The following MED13L variants were observed in gnomAD, a reference collection of about 807,000 sequenced individuals.
MED13L encodes mediator of RNA polymerase II transcription subunit 13-like.
Under a neutral mutation model 220.9 loss-of-function variants are expected in MED13L, and 7 were observed. That is an observed-to-expected ratio of 0.03 (90% CI 0.02 to 0.06). The LOEUF (loss-of-function observed/expected upper bound fraction) is 0.06. Ranked by LOEUF, MED13L falls within the 10% of genes least tolerant of loss-of-function variation. The pLI is 1.00. For missense variants in MED13L, 1,965 were observed against 2,760.5 expected, an observed-to-expected ratio of 0.71 and a Z score of 6.46; for synonymous variants, 1,011 against 1,015.2, an observed-to-expected ratio of 1.00 and a Z score of 0.08.
At chr12:116,188,894 A>G (rs1881077450) in intron 2 of MED13L, among the ~76,000 whole-genome samples, 1 of 152,176 alleles carries the variant, frequency 6.6e-6, no homozygotes, top group Non-Finnish European at 1.5e-5. Context: ...ACTGTATATC[A>G]AGACTTTGTT....
At chr12:116,017,886 G>GATT (rs1183051058) in intron 7 of MED13L, among the ~76,000 whole-genome samples, 1 of 151,624 alleles carries the variant, frequency 6.6e-6, no homozygotes, top group Non-Finnish European at 1.5e-5. Flanking sequence ...AAAATGATGG[G>GATT]ATTACAGGCA....
At chr12:116,113,652 C>T (rs1196547122) in intron 2 of MED13L, among the ~76,000 whole-genome samples, 2 of 145,902 alleles carry the variant, frequency 1.4e-5, no homozygotes, top group Non-Finnish European at 3.0e-5. Flanking sequence ...GAGTGAAAGC[C>T]TGTCTCATAA....
intron 2 of MED13L, among the ~76,000 whole-genome samples, chr12:116,128,624 C>T (rs1457253315): frequency 1.3e-5 from 2 of 152,150 alleles, no homozygotes; most frequent in African/African-American, 4.8e-5. Context: ...TATTCTCTTT[C>T]CTATGCATAA....
At chr12:116,210,539 G>A (rs1380681377) in intron 2 of MED13L, among the ~76,000 whole-genome samples, 9 of 116,864 alleles carry the variant, frequency 7.7e-5, no homozygotes, top group East Asian at 7.4e-4. Context: ...AAAAGCAACC[G>A]CAGAACGTAA....
At chr12:116,269,309 G>C (rs536554765) in intron 1 of MED13L, among the ~76,000 whole-genome samples, 1 of 151,736 alleles carries the variant, frequency 6.6e-6, no homozygotes. Context: ...AGCCAGCCTC[G>C]GCCTCCCAAA....
At chr12:116,150,938 T>G (rs1343594346) in intron 2 of MED13L, among the ~76,000 whole-genome samples, 2 of 152,292 alleles carry the variant, frequency 1.3e-5, no homozygotes, top group Non-Finnish European at 1.5e-5. Flanking sequence ...AGAGCTATGG[T>G]ACGTAAAGCA....
At chr12:116,259,046 T>C (rs1039991048) in intron 1 of MED13L, among the ~76,000 whole-genome samples, 2 of 152,080 alleles carry the variant, frequency 1.3e-5, no homozygotes, top group Admixed American at 1.3e-4. Context: ...AAACTGTTTA[T>C]AGCTATAGCT....
chr12:116,245,392 C>T (rs181362592), intron 1 of MED13L, among the ~76,000 whole-genome samples: 12 of 152,286 alleles, frequency 7.9e-5, no homozygotes, highest in South Asian at 2.1e-4. Context: ...ATGTCGGTCA[C>T]ATGCTCAGAA....
chr12:116,215,714 C>A (rs1489253132), intron 2 of MED13L, among the ~76,000 whole-genome samples: 1 of 152,108 alleles, frequency 6.6e-6, no homozygotes, highest in African/African-American at 2.4e-5. Flanking sequence ...TCCTTTCACA[C>A]AAAAGTGCAA....
chr12:116,027,733 T>G (rs1402286954), intron 4 of MED13L, among the ~76,000 whole-genome samples: 2 of 152,098 alleles, frequency 1.3e-5, no homozygotes, highest in Admixed American at 6.6e-5. Context: ...AACATACAAG[T>G]TACTTGCTTA....
Position 116,007,623 on chromosome 12 carries a change from G to A in MED13L, c.2026C>T (p.Pro676Ser), listed in dbSNP as rs770026306. 5 of 1,317,642 alleles carry A rather than the reference G, an allele frequency of 3.8e-6. No homozygotes were observed. Among genetic ancestry groups the A allele is most frequent in the African/African-American group, 3.2e-5 (2 of 63,070 alleles). The allele number at this position is 1,317,642 out of a possible 1,614,324, so 81.6% of individuals were successfully genotyped here. A position where few individuals can be genotyped will look rare whatever the true frequency, so the allele number is the denominator to read the frequency against. Reference protein sequence around the residue: ...STALQRLLAQPNKRFKIWQDK... With the variant: ...STALQRLLAQSNKRFKIWQDK... ...TGCCAGATTTTAAACCGTTTGTTAG[G>A]TTGTGCTAAGAGTCTAAAAGACAAA... is the stretch of plus-strand genomic sequence containing the variant. The change falls in exon 11 of 31, where the codon CCT becomes TCT. Residue 676 changes from proline (P) to serine (S), a missense_variant. Coordinates refer to ENST00000281928, the MANE Select transcript of MED13L (RefSeq NM_015335.5).
rs1178566504 is a variant in MED13L, at chr12:115,975,282, T to C, written c.5620A>G (p.Ile1874Val). 1.2e-6 allele frequency: 2 copies of C among 1,613,956 alleles called. No individual in the cohort carries two copies. The highest frequency in any genetic ancestry group is 2.2e-5 in the East Asian group (1 of 44,882). ...CACTCCCATAACTTCTGTAGTCCAATTTTACGTGCAGATACTTTACTCCTC... is the reference window on the plus strand; with the variant it reads ...CACTCCCATAACTTCTGTAGTCCAACTTTACGTGCAGATACTTTACTCCTC... ...SRRSKVSARK[I>V]GLQKLWEWCI... Residue 1874 changes from isoleucine (I) to valine (V), a missense_variant, in exon 25 of 31, where the codon ATT (isoleucine) becomes GTT (valine). Physicochemically the swap from Ile to Val is conservative, Grantham distance 29. This residue lies in a region of MED13L where 510 missense variants were observed against 620.4 expected (regional missense o/e 0.82). Transcript: ENST00000281928.
rs117226915 is a variant in MED13L, at chr12:116,156,368, G to A, written c.311-44856C>T. Among the ~76,000 whole-genome samples, 21 of 145,700 alleles carry A rather than the reference G, an allele frequency of 1.4e-4. No homozygotes were observed. In the East Asian group the frequency reaches 3.8e-3, roughly 26 times the overall value. On this transcript the variant is annotated intron_variant, in intron 2 of 30. Transcript: ENST00000281928. ...CAAATGAAGGAATACTGGATTGTAG[G>A]CAGCACAGTGTAAATGTAAAGTCTC...
chr12:116,018,297 CTTCT>C (rs1435199463), intron 7 of MED13L, among the ~76,000 whole-genome samples: 1 of 152,216 alleles, frequency 6.6e-6, no homozygotes, highest in Non-Finnish European at 1.5e-5. Context: ...TCCCCAATAT[CTTCT>C]TTAACTATAA....
intron 23 of MED13L, among the ~76,000 whole-genome samples, chr12:115,978,925 A>G (rs1877141051): frequency 6.6e-6 from 1 of 152,244 alleles, no homozygotes; most frequent in Admixed American, 6.5e-5. Flanking sequence ...GATAACTTGC[A>G]TAAAACTGTG....
intron 1 of MED13L, among the ~76,000 whole-genome samples, chr12:116,258,706 G>A (rs1872255009): frequency 6.6e-6 from 1 of 150,988 alleles, no homozygotes; most frequent in South Asian, 2.1e-4. Context: ...GAACCCGGGA[G>A]GCAGAGGTTG....
At chr12:116,272,748 C>T (rs1020223181) in intron 1 of MED13L, among the ~76,000 whole-genome samples, 2 of 152,120 alleles carry the variant, frequency 1.3e-5, no homozygotes, top group African/African-American at 4.8e-5. Flanking sequence ...GCCTAAGGTA[C>T]ATTATTGTCT....
At chr12:116,226,980 C>T (rs1292964966) in intron 2 of MED13L, among the ~76,000 whole-genome samples, 1 of 150,934 alleles carries the variant, frequency 6.6e-6, no homozygotes, top group Non-Finnish European at 1.5e-5. Context: ...TAACCTTAGG[C>T]CCAATGATAC....
intron 14 of MED13L, among the ~76,000 whole-genome samples, chr12:116,000,078 A>G (rs747389526): frequency 6.6e-6 from 1 of 152,238 alleles, no homozygotes; most frequent in Non-Finnish European, 1.5e-5. Flanking sequence ...CTAAACATTC[A>G]GCAAATGATG....
Sources: gnomAD v4.1 joint callset for allele counts (sites outside exome capture counted in the v4.1 genomes callset) on GRCh38, gnomAD v4.1.1 for gene constraint, gnomAD v4.1.1 regional missense constraint, MANE v1.5 for transcripts, NCBI Gene and HGNC (gene_info 2026-07-23, HGNC 2026-07-21) for gene names.